The following FAF1 variants were observed in gnomAD, a reference collection of about 807,000 sequenced individuals.
The protein encoded by FAF1 is FAS-associated factor 1.
In FAF1, 25 loss-of-function variants were observed where a neutral mutation model predicts 92.5. That is an observed-to-expected ratio of 0.27 (90% CI 0.20 to 0.38). The LOEUF (loss-of-function observed/expected upper bound fraction) is 0.38. FAF1 is among the 10% of genes least tolerant of loss of function. FAF1 has a pLI of 1.00. For missense variants in FAF1, 636 were observed against 793.3 expected, an observed-to-expected ratio of 0.80 and a Z score of 2.38; for synonymous variants, 234 against 273.2, an observed-to-expected ratio of 0.86 and a Z score of 1.42.
chr1:50,572,018 A>G (rs1344391040), intron 12 of FAF1, among the ~76,000 whole-genome samples: 1 of 152,202 alleles, frequency 6.6e-6, no homozygotes, highest in Non-Finnish European at 1.5e-5. Flanking sequence ...TATAGTATAA[A>G]ATAATTTCCT....
At chr1:50,767,364 G>T (rs1201814238) in intron 4 of FAF1, among the ~76,000 whole-genome samples, 1 of 152,100 alleles carries the variant, frequency 6.6e-6, no homozygotes, top group Non-Finnish European at 1.5e-5. Flanking sequence ...AAGAGGGAGA[G>T]AAAGCAAGCA....
intron 1 of FAF1, among the ~76,000 whole-genome samples, chr1:50,871,169 G>A (rs776781542): frequency 1.3e-5 from 2 of 152,208 alleles, no homozygotes; most frequent in African/African-American, 2.4e-5. Context: ...GTGAGGACAC[G>A]CAGAAGAAAA....
At chr1:50,843,753 G>A (rs746193245) in intron 2 of FAF1, among the ~76,000 whole-genome samples, 5 of 151,992 alleles carry the variant, frequency 3.3e-5, no homozygotes, top group Non-Finnish European at 5.9e-5. Flanking sequence ...GTGTGTGTGT[G>A]TATTGCATTT....
chr1:50,555,232 C>T (rs1649513040), intron 13 of FAF1, among the ~76,000 whole-genome samples: 1 of 151,296 alleles, frequency 6.6e-6, no homozygotes. Context: ...CACATACACA[C>T]ACACCAGGAC....
intron 13 of FAF1, among the ~76,000 whole-genome samples, chr1:50,560,230 A>G (rs1165067758): frequency 6.6e-6 from 1 of 152,242 alleles, no homozygotes; most frequent in Non-Finnish European, 1.5e-5. Flanking sequence ...TGAGATGGAA[A>G]GTACATGTGA....
intron 9 of FAF1, 51 bp from the exon 10 acceptor site, chr1:50,584,862 T>C (rs1473875908): frequency 1.3e-6 from 2 of 1,544,710 alleles, no homozygotes; most frequent in Non-Finnish European, 8.9e-7. Context: ...GCCTATCAAA[T>C]TCTAAGAATA....
intron 8 of FAF1, among the ~76,000 whole-genome samples, chr1:50,606,545 G>A (rs1443392967): frequency 1.5e-5 from 2 of 132,644 alleles, no homozygotes; most frequent in East Asian, 2.1e-4. Context: ...TGTTGCCCAG[G>A]CTGGAGTGCA....
At chr1:50,921,479 T>C (rs1357425453) in intron 1 of FAF1, among the ~76,000 whole-genome samples, 2 of 152,206 alleles carry the variant, frequency 1.3e-5, no homozygotes, top group Non-Finnish European at 2.9e-5. Context: ...CACATTAAAG[T>C]GGCCAGGCAT....
At chr1:50,828,429 C>T (rs1010018111) in intron 2 of FAF1, among the ~76,000 whole-genome samples, 3 of 151,942 alleles carry the variant, frequency 2.0e-5, no homozygotes, top group African/African-American at 7.2e-5. Flanking sequence ...CCACCACGTC[C>T]GGCTAATTTT....
chr1:50,697,969 G>C (rs187521076), intron 7 of FAF1, among the ~76,000 whole-genome samples: 1 of 152,180 alleles, frequency 6.6e-6, no homozygotes, highest in African/African-American at 2.4e-5. Flanking sequence ...TTAGACAAAA[G>C]AAAAATTACC....
chr1:50,529,416 T>A (rs1242311593), intron 15 of FAF1, among the ~76,000 whole-genome samples: 1 of 152,218 alleles, frequency 6.6e-6, no homozygotes, highest in Non-Finnish European at 1.5e-5. Context: ...ATTAACAGTC[T>A]AATAAATTGT....
intron 2 of FAF1, among the ~76,000 whole-genome samples, chr1:50,853,179 C>A (rs1644364627): frequency 6.6e-6 from 1 of 152,118 alleles, no homozygotes; most frequent in South Asian, 2.1e-4. Flanking sequence ...CATTTGAGGA[C>A]CTCTACAGCC....
intron 8 of FAF1, among the ~76,000 whole-genome samples, chr1:50,647,213 C>T (rs1407947518): frequency 6.6e-6 from 1 of 152,164 alleles, no homozygotes; most frequent in South Asian, 2.1e-4. Flanking sequence ...AATAGGTAGA[C>T]AAGACTGAAA....
intron 1 of FAF1, among the ~76,000 whole-genome samples, chr1:50,860,727 A>G (rs1644425445): frequency 6.6e-6 from 1 of 151,820 alleles, no homozygotes; most frequent in Admixed American, 6.6e-5. Context: ...TTAACTCAGA[A>G]ATCCCTATGT....
rs1187912073 is a variant in FAF1, at chr1:50,692,294, G to GTGT, written c.657+13491_657+13492insACA. 9.1e-5 allele frequency among the ~76,000 whole-genome samples: 9 copies of GTGT among 98,696 alleles called. No homozygotes were observed. The East Asian group carries it at 1.7e-3, about 19-fold the overall frequency. 64.7% of individuals were successfully genotyped at this position (98,696 alleles called of 152,430 possible). A position where few individuals can be genotyped will look rare whatever the true frequency, so the allele number is the denominator to read the frequency against. Reference sequence around the variant, plus strand: ...GTGTGTGTGTGTGTGTGTGTGTGTGGTGGGAACATTTAAATTCTAATCTTT... The same window carrying GTGT: ...GTGTGTGTGTGTGTGTGTGTGTGTGGTGTTGGGAACATTTAAATTCTAATCTTT... On this transcript the variant is annotated intron_variant, in intron 7 of 18. Coordinates refer to ENST00000396153, the MANE Select transcript of FAF1 (RefSeq NM_007051.3).
intron 18 of FAF1, among the ~76,000 whole-genome samples, chr1:50,445,563 C>A (rs1646218811): frequency 6.6e-6 from 1 of 152,090 alleles, no homozygotes; most frequent in African/African-American, 2.4e-5. Flanking sequence ...TTAAGAATGG[C>A]AATAGGTCAA....
chr1:50,788,596 T>C (rs1037330609), intron 3 of FAF1, among the ~76,000 whole-genome samples: 7 of 152,172 alleles, frequency 4.6e-5, no homozygotes, highest in African/African-American at 1.7e-4. Flanking sequence ...ACGGATTATT[T>C]TGAAACTTTA....
At chr1:50,881,631 A>C (rs140145002) in intron 1 of FAF1, among the ~76,000 whole-genome samples, 1 of 152,320 alleles carries the variant, frequency 6.6e-6, no homozygotes, top group African/African-American at 2.4e-5. Context: ...TGAAAGTATC[A>C]ATCGGGAAGA....
intron 1 of FAF1, among the ~76,000 whole-genome samples, chr1:50,886,928 C>G (rs140778257): frequency 5.8e-4 from 89 of 152,228 alleles, no homozygotes; most frequent in Non-Finnish European, 1.1e-3. Context: ...GGTATTTCTA[C>G]TTCTAGATCC....
Sources: gnomAD v4.1 joint callset for allele counts (sites outside exome capture counted in the v4.1 genomes callset) on GRCh38, gnomAD v4.1.1 for gene constraint, MANE v1.5 for transcripts, NCBI Gene and HGNC (gene_info 2026-07-23, HGNC 2026-07-21) for gene names.